The following PCED1B variants were observed in gnomAD, a reference collection of about 807,000 sequenced individuals.
The protein encoded by PCED1B is PC-esterase domain-containing protein 1B.
For missense variants in PCED1B, 573 were observed against 573.9 expected (o/e 1.00, Z 0.02); for synonymous variants, 251 against 246.1 (o/e 1.02, Z -0.19).
chr12:47,234,482 A>G (rs1943908712), intron 3 of PCED1B, among the ~76,000 whole-genome samples: 1 of 152,186 alleles, frequency 6.6e-6, no homozygotes, highest in Non-Finnish European at 1.5e-5. Flanking sequence ...AATGTTATCT[A>G]TGCATATCTC....
chr12:47,215,352 C>T (rs897305148), intron 2 of PCED1B, among the ~76,000 whole-genome samples: 6 of 149,616 alleles, frequency 4.0e-5, no homozygotes, highest in African/African-American at 1.5e-4. Flanking sequence ...CTCCTGGGTT[C>T]AAGCGATTCT....
intron 2 of PCED1B, among the ~76,000 whole-genome samples, chr12:47,214,674 C>T (rs1358310402): frequency 6.6e-6 from 1 of 151,964 alleles, no homozygotes; most frequent in African/African-American, 2.4e-5. Flanking sequence ...AAGGAAAAAA[C>T]ATTTTTAATT....
intron 2 of PCED1B, among the ~76,000 whole-genome samples, chr12:47,198,905 G>A (rs1051354331): frequency 6.6e-6 from 1 of 151,622 alleles, no homozygotes; most frequent in East Asian, 1.9e-4. Flanking sequence ...GGCAGAGGTT[G>A]CAGTGAGCTG....
At chr12:47,209,631 G>A (rs1943017645) in intron 2 of PCED1B, 1 of 152,212 alleles carries the variant, frequency 6.6e-6, no homozygotes, top group African/African-American at 2.4e-5. Context: ...ATACTCAGTA[G>A]GTGTTCATTG....
At chr12:47,110,760 A>T (rs1939158440) in intron 2 of PCED1B, among the ~76,000 whole-genome samples, 1 of 152,206 alleles carries the variant, frequency 6.6e-6, no homozygotes, top group Non-Finnish European at 1.5e-5. Flanking sequence ...CATGAGCTTC[A>T]TTTTTAGATG....
intron 2 of PCED1B, among the ~76,000 whole-genome samples, chr12:47,155,573 C>T (rs993470627): frequency 1.2e-4 from 18 of 152,268 alleles, no homozygotes; most frequent in African/African-American, 4.1e-4. Context: ...GCCACATATA[C>T]ATTCATTATT....
At chr12:47,132,506 T>C (rs1056707134) in intron 2 of PCED1B, among the ~76,000 whole-genome samples, 11 of 152,194 alleles carry the variant, frequency 7.2e-5, no homozygotes, top group Admixed American at 4.6e-4. Context: ...AGTCTTTACA[T>C]TATCAGGAAA....
At chr12:47,212,499 T>A (rs768070746) in intron 2 of PCED1B, among the ~76,000 whole-genome samples, 4 of 152,118 alleles carry the variant, frequency 2.6e-5, no homozygotes, top group Non-Finnish European at 5.9e-5. Flanking sequence ...TAGTCCAAGC[T>A]CAGTAGTTAA....
intron 3 of PCED1B, among the ~76,000 whole-genome samples, chr12:47,217,481 A>AAAAAGAAAGAAAG (rs1491317804): frequency 1.6e-5 from 2 of 122,318 alleles, no homozygotes; most frequent in Non-Finnish European, 3.3e-5. Context: ...AGAAAGAAAG[A>AAAAAGAAAGAAAG]AAGAAAGAAA....
chr12:47,086,330 T>G (rs1937979608), intron 1 of PCED1B, among the ~76,000 whole-genome samples: 2 of 129,458 alleles, frequency 1.5e-5, no homozygotes, highest in African/African-American at 6.0e-5. Context: ...TTTTTCCTAA[T>G]TCTTAAAGTA....
At chr12:47,136,807 C>T (rs149670939) in intron 2 of PCED1B, among the ~76,000 whole-genome samples, 27 of 152,018 alleles carry the variant, frequency 1.8e-4, no homozygotes, top group Admixed American at 3.9e-4. Flanking sequence ...TAAGTATAAA[C>T]GATATCTACA....
At chr12:47,213,729 A>G (rs1386405557) in intron 2 of PCED1B, among the ~76,000 whole-genome samples, 1 of 152,234 alleles carries the variant, frequency 6.6e-6, no homozygotes, top group Non-Finnish European at 1.5e-5. Flanking sequence ...GAAAAAGCCA[A>G]GTTTGGTGGG....
Position 47,235,670 on chromosome 12 carries a change from G to T in PCED1B, c.607G>T (p.Glu203Ter), listed in dbSNP as rs1160335851. 2.4e-5 allele frequency: 38 copies of T among 1,612,870 alleles called. No individual in the cohort carries two copies. The highest frequency in any genetic ancestry group is 2.7e-5 in the Non-Finnish European group (32 of 1,179,944). Reference sequence around the variant, plus strand: ...CAAAGCCAACTTCCACAGCGCCACCGAGGCACGTAAACATAACTTCGATGT... The same window carrying T: ...CAAAGCCAACTTCCACAGCGCCACCTAGGCACGTAAACATAACTTCGATGT... The part of the protein sequence containing the change: ...VVKANFHSAT[E>*]ARKHNFDVLD... The change falls in exon 4 of 4, where the codon GAG becomes TAG. Residue 203 changes from glutamate to a stop codon, truncating the protein, a stop_gained. Coordinates refer to ENST00000546455, the MANE Select transcript of PCED1B (RefSeq NM_138371.3). LOFTEE classifies it low-confidence loss of function (END_TRUNC).
At chr12:47,157,142 A>T (rs1042964620) in intron 2 of PCED1B, among the ~76,000 whole-genome samples, 1 of 152,092 alleles carries the variant, frequency 6.6e-6, no homozygotes, top group African/African-American at 2.4e-5. Flanking sequence ...GTATGGTTAG[A>T]CTGTGTTAGG....
intron 1 of PCED1B, among the ~76,000 whole-genome samples, chr12:47,088,461 G>A (rs11183724): frequency 0.3 from 45,926 of 151,968 alleles, 7,257 homozygotes; most frequent in Middle Eastern, 0.38. Context: ...AAACCCCTGG[G>A]GACTCGAAGG....
At chr12:47,080,901 G>C (rs1319934805) in intron 1 of PCED1B, among the ~76,000 whole-genome samples, 1 of 151,996 alleles carries the variant, frequency 6.6e-6, no homozygotes, top group Non-Finnish European at 1.5e-5. Context: ...CGTGCTCGTG[G>C]CGCGTGCGGG....
intron 2 of PCED1B, among the ~76,000 whole-genome samples, chr12:47,137,874 G>T (rs1031856251): frequency 2.6e-5 from 4 of 152,040 alleles, no homozygotes; most frequent in Admixed American, 6.6e-5. Context: ...TTACATTGAA[G>T]CTAAGAGGTG....
intron 2 of PCED1B, among the ~76,000 whole-genome samples, chr12:47,178,611 G>A (rs901839617): frequency 6.6e-6 from 1 of 151,986 alleles, no homozygotes; most frequent in African/African-American, 2.4e-5. Context: ...GTTCATGCCT[G>A]TAATCCCAGC....
At chr12:47,087,838 A>G (rs1448297005) in intron 1 of PCED1B, among the ~76,000 whole-genome samples, 1 of 152,220 alleles carries the variant, frequency 6.6e-6, no homozygotes, top group Admixed American at 6.5e-5. Flanking sequence ...ATGAATCCCT[A>G]TTGGTCATCT....
Sources: allele counts gnomAD v4.1 joint callset (sites outside exome capture counted in the v4.1 genomes callset), GRCh38; gene constraint gnomAD v4.1.1; transcripts MANE v1.5; gene names NCBI Gene and HGNC (gene_info 2026-07-23, HGNC 2026-07-21).